The following TTC6 variants were observed in gnomAD, a reference collection of about 807,000 sequenced individuals.
The protein encoded by TTC6 is tetratricopeptide repeat domain 6, also known as tetratricopeptide repeat protein 6.
A neutral mutation model predicts 210.4 loss-of-function variants in TTC6; 172 were observed. The ratio of observed to expected loss-of-function variants is 0.82; its 90% CI spans 0.72 to 0.93. The LOEUF (loss-of-function observed/expected upper bound fraction) is 0.93. Ranked by LOEUF, TTC6 falls within the 40% of genes least tolerant of loss-of-function variation. The pLI is 0.00. For missense variants in TTC6, 2,414 were observed against 2,318.1 expected (o/e 1.04, Z -0.85); for synonymous variants, 804 against 819.6 (o/e 0.98, Z 0.32).
chr14:37,614,752 T>G (rs2095639993), intron 2 of TTC6, among the ~76,000 whole-genome samples: 1 of 152,112 alleles, frequency 6.6e-6, no homozygotes, highest in South Asian at 2.1e-4. Context: ...ATCAATTAAT[T>G]AATTTATTTA....
intron 2 of TTC6, among the ~76,000 whole-genome samples, chr14:37,613,132 G>C (rs1192223556): frequency 1.3e-5 from 2 of 152,034 alleles, no homozygotes; most frequent in African/African-American, 4.8e-5. Flanking sequence ...TCAGATTGAG[G>C]ATGTTCTCTA....
chr14:37,798,218 G>A (rs1446667062), intron 20 of TTC6, among the ~76,000 whole-genome samples: 2 of 152,150 alleles, frequency 1.3e-5, no homozygotes, highest in East Asian at 1.9e-4. Flanking sequence ...TCTTGAGATT[G>A]TTTTAGGGAG....
At chr14:37,732,657 C>T (rs566451820) in intron 7 of TTC6, among the ~76,000 whole-genome samples, 4 of 151,726 alleles carry the variant, frequency 2.6e-5, no homozygotes, top group South Asian at 4.2e-4. Flanking sequence ...CTTGCTCTGT[C>T]GCCCAGGCTA....
intron 14 of TTC6, among the ~76,000 whole-genome samples, chr14:37,765,920 C>G (rs915532446): frequency 2.0e-5 from 3 of 151,908 alleles, no homozygotes; most frequent in Admixed American, 6.6e-5. Flanking sequence ...TATTGAAGAT[C>G]CTTTGTATAT....
At chr14:37,704,947 A>G (rs1243139109) in intron 5 of TTC6, among the ~76,000 whole-genome samples, 2 of 152,174 alleles carry the variant, frequency 1.3e-5, no homozygotes, top group Non-Finnish European at 2.9e-5. Context: ...TTGAAATGCT[A>G]ACTTTCAAAT....
intron 1 of TTC6, among the ~76,000 whole-genome samples, chr14:37,650,908 T>A (rs758858887): frequency 1.8e-4 from 28 of 152,234 alleles, no homozygotes; most frequent in Non-Finnish European, 3.4e-4. Context: ...TTGGGGGCTT[T>A]TGAACCACAG....
upstream of TTC6, among the ~76,000 whole-genome samples, chr14:37,617,320 G>A (rs760888879): frequency 6.6e-6 from 1 of 152,184 alleles, no homozygotes; most frequent in Non-Finnish European, 1.5e-5. Flanking sequence ...ATTTTTGAAT[G>A]TAAGTATATT....
chr14:37,635,707 G>A (rs188755866), intron 1 of TTC6, among the ~76,000 whole-genome samples: 289 of 152,188 alleles, frequency 1.9e-3, no homozygotes, highest in Non-Finnish European at 2.5e-3. Flanking sequence ...GGCTGGGTGC[G>A]GTGGCTCACG....
chr14:37,692,382 A>G (rs2095805557), intron 3 of TTC6, among the ~76,000 whole-genome samples: 1 of 151,928 alleles, frequency 6.6e-6, no homozygotes, highest in South Asian at 2.1e-4. Context: ...GGATGCAAGG[A>G]TGGTTCAACA....
chr14:37,826,291 T>C, exon 28 of TTC6: 2 of 1,612,070 alleles, frequency 1.2e-6, no homozygotes, highest in Non-Finnish European at 1.7e-6. Flanking sequence ...AGCTGTGGTC[T>C]GTCTTCAGAT....
At chr14:37,638,277 T>C (rs928314804) in intron 1 of TTC6, among the ~76,000 whole-genome samples, 1 of 152,158 alleles carries the variant, frequency 6.6e-6, no homozygotes, top group Non-Finnish European at 1.5e-5. Context: ...TTTTTTGAGA[T>C]GGATTCTTGC....
intron 2 of TTC6, among the ~76,000 whole-genome samples, chr14:37,612,726 A>T (rs1365589334): frequency 6.6e-6 from 1 of 152,166 alleles, no homozygotes; most frequent in African/African-American, 2.4e-5. Flanking sequence ...TTAATTCCTA[A>T]ATTTTATGTT....
At chr14:37,834,580 A>G (rs541946101) in intron 29 of TTC6, among the ~76,000 whole-genome samples, 18 of 151,886 alleles carry the variant, frequency 1.2e-4, no homozygotes, top group Non-Finnish European at 2.5e-4. Context: ...TAAATCATGA[A>G]GTTTTTTTTA....
At chr14:37,679,456 A>T (rs1176081253) in intron 1 of TTC6, among the ~76,000 whole-genome samples, 1 of 152,118 alleles carries the variant, frequency 6.6e-6, no homozygotes, top group Non-Finnish European at 1.5e-5. Flanking sequence ...GGTAAAAATG[A>T]TACTAACAGT....
chr14:37,636,554 A>T (rs1353230846), intron 1 of TTC6, among the ~76,000 whole-genome samples: 1 of 150,308 alleles, frequency 6.7e-6, no homozygotes, highest in Non-Finnish European at 1.5e-5. Flanking sequence ...AGGGAAATAA[A>T]AAAAATTGAG....
At chr14:37,728,417 C>CA (rs5807966) in intron 7 of TTC6, among the ~76,000 whole-genome samples, 41 of 148,398 alleles carry the variant, frequency 2.8e-4, no homozygotes, top group African/African-American at 4.7e-4. Flanking sequence ...CTATCACTAC[C>CA]AAAAAAAAAA....
chr14:37,714,142 A>C (rs940857631), intron 5 of TTC6, among the ~76,000 whole-genome samples: 1 of 152,052 alleles, frequency 6.6e-6, no homozygotes, highest in Non-Finnish European at 1.5e-5. Context: ...TTTATTGATA[A>C]GTTTTGTTCC....
intron 25 of TTC6, among the ~76,000 whole-genome samples, chr14:37,814,569 A>G (rs1011558274): frequency 2.6e-5 from 4 of 152,200 alleles, no homozygotes; most frequent in African/African-American, 9.7e-5. Flanking sequence ...AATAGTCAAA[A>G]TACAACAATG....
chr14:37,612,003 A>G (rs983835806), intron 2 of TTC6, among the ~76,000 whole-genome samples: 2 of 147,544 alleles, frequency 1.4e-5, no homozygotes, highest in Non-Finnish European at 3.0e-5. Context: ...TTTTTTTTTT[A>G]ACATGCAAAT....
Sources: gnomAD v4.1 joint callset for allele counts (sites outside exome capture counted in the v4.1 genomes callset) on GRCh38, gnomAD v4.1.1 for gene constraint, MANE v1.5 for transcripts, NCBI Gene and HGNC (gene_info 2026-07-23, HGNC 2026-07-21) for gene names.